The following PFKFB3 variants were observed in gnomAD, a reference collection of about 807,000 sequenced individuals.
PFKFB3 encodes the protein 6-phosphofructo-2-kinase/fructose-2,6-bisphosphatase 3.
In PFKFB3, 33 loss-of-function variants were observed where a neutral mutation model predicts 68.0. The ratio of observed to expected loss-of-function variants is 0.49; its 90% CI spans 0.37 to 0.65. The LOEUF is 0.65. Among genes scored for constraint, PFKFB3 ranks in the 30% least tolerant of loss-of-function variants. PFKFB3 has a pLI of 0.00. For missense variants in PFKFB3, 586 were observed against 712.2 expected, an observed-to-expected ratio of 0.82 and a Z score of 2.02; for synonymous variants, 315 against 288.2, an observed-to-expected ratio of 1.09 and a Z score of -0.94.
the PFKFB3 span, among the ~76,000 whole-genome samples, chr10:6,272,144 T>G: frequency 6.6e-6 from 1 of 152,210 alleles, no homozygotes; most frequent in Non-Finnish European, 1.5e-5. Flanking sequence ...TATGAACAAG[T>G]GCAAAGCACC....
chr10:6,268,254 A>G, the PFKFB3 span, among the ~76,000 whole-genome samples: 6 of 152,198 alleles, frequency 3.9e-5, no homozygotes, highest in Non-Finnish European at 7.4e-5. Context: ...GTACTTCTTG[A>G]TAAACTTCTT....
Position 6,229,127 on chromosome 10 carries a change from G to A in PFKFB3, c.1515+2762G>A, listed in dbSNP as rs1185550235. On this transcript the variant is annotated intron_variant, in intron 14 of 14. Coordinates refer to ENST00000379775, the MANE Select transcript of PFKFB3 (RefSeq NM_004566.4). This position sits in a 1 kb window ranked among gnomAD's most constrained non-coding sequence, Gnocchi z 4.3. ...TATGCAGAAACTGGAAAGGTGTGAT[G>A]AGGAATGCAGCCTGAGATGCTGAAA... 1.9e-6 allele frequency: 1 copy of A among 522,960 alleles called. No homozygotes were observed. 32.4% of individuals were successfully genotyped at this position (522,960 alleles called of 1,614,324 possible).
At chr10:6,282,783 T>A in the PFKFB3 span, among the ~76,000 whole-genome samples, 1 of 152,200 alleles carries the variant, frequency 6.6e-6, no homozygotes, top group Non-Finnish European at 1.5e-5. Context: ...AATTATGCCA[T>A]ATTCTGCCAT....
intron 1 of PFKFB3, among the ~76,000 whole-genome samples, chr10:6,153,031 A>T (rs1278777768): frequency 6.6e-6 from 1 of 151,812 alleles, no homozygotes; most frequent in East Asian, 1.9e-4. Flanking sequence ...AATACAAAAA[A>T]ATTAGCTGTG....
chr10:6,279,650 T>C, the PFKFB3 span, among the ~76,000 whole-genome samples: 2 of 152,184 alleles, frequency 1.3e-5, no homozygotes, highest in African/African-American at 2.4e-5. Flanking sequence ...AGCAGAGCCC[T>C]GAGTCACTCA....
At chr10:6,145,048 C>A (rs748994432) in intron 1 of PFKFB3, 5 of 1,313,714 alleles carry the variant, frequency 3.8e-6, no homozygotes, top group South Asian at 2.1e-5. Context: ...ACGCCCCCAG[C>A]GCGCGCGGGG....
chr10:6,179,333 C>T (rs12217915), intron 1 of PFKFB3, among the ~76,000 whole-genome samples: 8,638 of 152,292 alleles, frequency 0.057, 311 homozygotes, highest in East Asian at 0.13. Flanking sequence ...AACTCATCTG[C>T]GCTGCGCTGC....
Position 6,229,282 on chromosome 10 carries a change from G to A in PFKFB3, c.1515+2917G>A, listed in dbSNP as rs556593902. ...TTCCTTAAGACCACCCTGGGAGGTC[G>A]GCAGGGCAGTCAGTCCCCCGTTTAA... On this transcript the variant is annotated intron_variant, in intron 14 of 14. Transcript: ENST00000379775. This position sits in a 1 kb window ranked among gnomAD's most constrained non-coding sequence, Gnocchi z 4.3. 4.2e-4 allele frequency: 178 copies of A among 426,306 alleles called. 4 individuals carry two copies. Among genetic ancestry groups the A allele is most frequent in the Non-Finnish European group, 6.0e-4 (122 of 201,982 alleles). 26.4% of individuals were successfully genotyped at this position (426,306 alleles called of 1,614,324 possible).
chr10:6,277,823 A>C, the PFKFB3 span: 6 of 367,778 alleles, frequency 1.6e-5, no homozygotes, highest in Admixed American at 2.9e-5. Context: ...TCTTTATAGC[A>C]GTGTGAGAAT....
At chr10:6,219,817 T>TTG (rs1301061865) in intron 7 of PFKFB3, 124 bp downstream of exon 7, 11 of 957,724 alleles carry the variant, frequency 1.1e-5, no homozygotes, top group African/African-American at 1.6e-5. Context: ...CAGTTTTTTT[T>TTG]GTAGAGATGA....
At chr10:6,265,600 C>T in the PFKFB3 span, among the ~76,000 whole-genome samples, 34 of 152,206 alleles carry the variant, frequency 2.2e-4, no homozygotes, top group Non-Finnish European at 3.7e-4. Context: ...CTGCCTCTTG[C>T]GGGTAATTAT....
At chr10:6,210,346 G>GTTTTTTTTTTTT (rs1225843582) in intron 1 of PFKFB3, among the ~76,000 whole-genome samples, 1 of 32,790 alleles carries the variant, frequency 3.0e-5, no homozygotes. Flanking sequence ...GTTTTTTTTT[G>GTTTTTTTTTTTT]TTTTTTTTTG....
At chr10:6,173,957 C>T (rs1842385334) in intron 1 of PFKFB3, among the ~76,000 whole-genome samples, 1 of 151,948 alleles carries the variant, frequency 6.6e-6, no homozygotes, top group Non-Finnish European at 1.5e-5. Flanking sequence ...GGCCTGTGGT[C>T]CAGGTGCGGC....
intron 1 of PFKFB3, among the ~76,000 whole-genome samples, chr10:6,150,108 T>C (rs12251673): frequency 0.1 from 15,914 of 152,210 alleles, 1,193 homozygotes; most frequent in Admixed American, 0.22. Flanking sequence ...ATTGATTCTA[T>C]GCACATAGCA....
chr10:6,176,230 C>A (rs978469449), intron 1 of PFKFB3, among the ~76,000 whole-genome samples: 2 of 152,094 alleles, frequency 1.3e-5, no homozygotes, highest in African/African-American at 4.8e-5. Context: ...ATAGAAAGTT[C>A]AAGACCCTGC....
chr10:6,263,644 A>C, the PFKFB3 span, among the ~76,000 whole-genome samples: 5 of 152,330 alleles, frequency 3.3e-5, no homozygotes, highest in African/African-American at 1.2e-4. Flanking sequence ...TGCAGGACAA[A>C]GAAGTGTGGG....
At chr10:6,230,225 G>C (rs958702667) in intron 14 of PFKFB3, among the ~76,000 whole-genome samples, 1 of 152,134 alleles carries the variant, frequency 6.6e-6, no homozygotes, top group Non-Finnish European at 1.5e-5. Context: ...TTTCACTCTG[G>C]AGTCCCATTG....
chr10:6,290,734 C>T, the PFKFB3 span, among the ~76,000 whole-genome samples: 1 of 152,082 alleles, frequency 6.6e-6, no homozygotes, highest in Admixed American at 6.5e-5. Context: ...GAACTCCTGA[C>T]CTCAGGTGAT....
Position 6,233,935 on chromosome 10 carries a change from A to G in PFKFB3, c.*993A>G, listed in dbSNP as rs563104441. 6.6e-6 allele frequency: 1 copy of G among 152,652 alleles called. No homozygotes were observed. The highest frequency in any genetic ancestry group is 1.9e-4 in the East Asian group (1 of 5,334). 9.5% of individuals were successfully genotyped at this position (152,652 alleles called of 1,614,324 possible). A position where few individuals can be genotyped will look rare whatever the true frequency, so the allele number is the denominator to read the frequency against. On this transcript the variant is annotated 3_prime_UTR_variant, in exon 15 of 15. Coordinates refer to ENST00000379775, the MANE Select transcript of PFKFB3 (RefSeq NM_004566.4). ...CCAGGTGGGGACAGTGGCCCAAGCA[A>G]GGCCTCACTCGCAGCCACTTCTTCA...
Sources: gnomAD v4.1 joint callset for allele counts (sites outside exome capture counted in the v4.1 genomes callset) on GRCh38, gnomAD v4.1.1 for gene constraint, Gnocchi (gnomAD v3.1) non-coding constraint, MANE v1.5 for transcripts, NCBI Gene and HGNC (gene_info 2026-07-23, HGNC 2026-07-21) for gene names.